The following ARHGAP23 variants were observed in gnomAD, a reference collection of about 807,000 sequenced individuals.
The protein encoded by ARHGAP23 is Rho GTPase activating protein 23.
A neutral mutation model predicts 136.3 loss-of-function variants in ARHGAP23; 34 were observed. The ratio of observed to expected loss-of-function variants is 0.25; its 90% CI spans 0.19 to 0.33. The LOEUF (loss-of-function observed/expected upper bound fraction) is 0.33, where lower values mean the gene tolerates loss of function less well. Among genes scored for constraint, ARHGAP23 ranks in the 10% least tolerant of loss-of-function variants. ARHGAP23 has a pLI of 1.00. For synonymous variants in ARHGAP23, 832 were observed against 920.5 expected, an observed-to-expected ratio of 0.90 and a Z score of 1.74; for missense variants, 1,808 against 2,139.0, an observed-to-expected ratio of 0.85 and a Z score of 3.05.
chr17:38,496,253 T>C (rs2040389890), intron 20 of ARHGAP23, among the ~76,000 whole-genome samples: 1 of 152,122 alleles, frequency 6.6e-6, no homozygotes, highest in African/African-American at 2.4e-5. Flanking sequence ...CCACCACATC[T>C]AAAAGCCAAA....
At chr17:38,449,439 C>CG (rs1567783336) in intron 1 of ARHGAP23, among the ~76,000 whole-genome samples, 1 of 152,186 alleles carries the variant, frequency 6.6e-6, no homozygotes, top group Non-Finnish European at 1.5e-5. Context: ...CTTGCTTGGC[C>CG]GGCTCATCAA....
rs1360972317 is a variant in ARHGAP23, at chr17:38,510,101, C to T, written c.3605C>T (p.Ala1202Val). 8.0e-7 allele frequency: 1 copy of T among 1,244,998 alleles called. No homozygotes were observed. 77.1% of individuals were successfully genotyped at this position (1,244,998 alleles called of 1,614,324 possible). The change falls in exon 24 of 24, where the codon GCG (alanine) becomes GTG (valine). Residue 1202 changes from alanine (A) to valine (V), a missense_variant. Transcript: ENST00000622683. This position sits in a 1 kb window ranked among gnomAD's most constrained non-coding sequence, Gnocchi z 4.6. The stretch of plus-strand genomic sequence containing the variant: ...GAGCAGGAGGCGCACAAGCCTGGGG[C>T]GGGGGCCACAGCGCCGGGGACTCAG... ...DSEQEAHKPG[A>V]GATAPGTQER...
intron 1 of ARHGAP23, among the ~76,000 whole-genome samples, chr17:38,429,047 C>G (rs1254361877): frequency 1.3e-5 from 2 of 152,200 alleles, no homozygotes; most frequent in African/African-American, 4.8e-5. Context: ...GCGCCACACT[C>G]GCCCCCTGCC....
rs538348148 is a variant in ARHGAP23, at chr17:38,487,554, T to C, written c.2986+1414T>C. 5.3e-5 allele frequency among the ~76,000 whole-genome samples: 8 copies of C among 152,244 alleles called. No homozygotes were observed. The East Asian group carries it at 9.7e-4, about 18-fold the overall frequency. On this transcript the variant is annotated intron_variant, in intron 17 of 23. Transcript: ENST00000622683. ...CTGTCTCTCCACATCCCCAACAGCA[T>C]TGGATATTATAACTATTATTGTTAC...
intron 1 of ARHGAP23, among the ~76,000 whole-genome samples, chr17:38,435,595 G>A (rs962151459): frequency 7.9e-5 from 12 of 152,186 alleles, no homozygotes; most frequent in Non-Finnish European, 1.5e-4. Context: ...CTGTACTGGG[G>A]AAAATTTTTT....
chr17:38,468,672 G>A (rs1244255115), intron 7 of ARHGAP23, among the ~76,000 whole-genome samples: 1 of 152,208 alleles, frequency 6.6e-6, no homozygotes, highest in East Asian at 1.9e-4. Flanking sequence ...CCACAGCACA[G>A]TCTGTTTGAG....
chr17:38,437,896 CT>C (rs1217100736), intron 1 of ARHGAP23, among the ~76,000 whole-genome samples: 1 of 152,130 alleles, frequency 6.6e-6, no homozygotes, highest in East Asian at 1.9e-4. Flanking sequence ...TCTGGATTTG[CT>C]CGTGAGTGGC....
At chr17:38,502,349 C>T (rs767579918) in intron 23 of ARHGAP23, among the ~76,000 whole-genome samples, 1 of 152,228 alleles carries the variant, frequency 6.6e-6, no homozygotes, top group Non-Finnish European at 1.5e-5. Flanking sequence ...CACTTTCCAA[C>T]TCATTTATGA....
intron 23 of ARHGAP23, among the ~76,000 whole-genome samples, chr17:38,508,281 A>G (rs970122021): frequency 2.0e-5 from 3 of 152,184 alleles, no homozygotes; most frequent in African/African-American, 4.8e-5. Flanking sequence ...TAGGGTGAGT[A>G]GGAGCTCATC....
At chr17:38,420,763 G>A (rs1282128883) in intron 1 of ARHGAP23, among the ~76,000 whole-genome samples, 3 of 149,668 alleles carry the variant, frequency 2.0e-5, no homozygotes, top group Non-Finnish European at 4.5e-5. Context: ...AATTTAAATG[G>A]CCAATGGCAG....
chr17:38,504,722 G>C (rs1324532971), intron 23 of ARHGAP23, among the ~76,000 whole-genome samples: 2 of 152,132 alleles, frequency 1.3e-5, no homozygotes, highest in Non-Finnish European at 2.9e-5. Context: ...GATTCGATTT[G>C]GACAGAGTGC....
chr17:38,476,942 T>C (rs1196090719), intron 11 of ARHGAP23, among the ~76,000 whole-genome samples: 1 of 152,046 alleles, frequency 6.6e-6, no homozygotes, highest in Non-Finnish European at 1.5e-5. Context: ...AAGGAGCCAG[T>C]GGCATTAGGA....
At chr17:38,436,421 C>T (rs559709453) in intron 1 of ARHGAP23, among the ~76,000 whole-genome samples, 2 of 152,312 alleles carry the variant, frequency 1.3e-5, no homozygotes, top group East Asian at 3.9e-4. Context: ...GGAGAGTGCC[C>T]CTCCTGCCCT....
At position 38,499,270 on chromosome 17, in the gene ARHGAP23, T is replaced by A. The variant is rs2040467495; in HGVS notation, c.3415+760T>A. 2.6e-5 allele frequency among the ~76,000 whole-genome samples: 4 copies of A among 152,346 alleles called. No homozygotes were observed. The South Asian group carries it at 8.3e-4, about 32-fold the overall frequency. Reference sequence around the variant, plus strand: ...TGCCGAGTCTCACCACTGCTAGTCATCCAGGCTGGGGACCGACACTCTCTG... The same window carrying A: ...TGCCGAGTCTCACCACTGCTAGTCAACCAGGCTGGGGACCGACACTCTCTG... On this transcript the variant is annotated intron_variant, in intron 22 of 23. Coordinates refer to ENST00000622683, the MANE Select transcript of ARHGAP23 (RefSeq NM_001199417.2).
chr17:38,463,067 A>G (rs1282324404), intron 4 of ARHGAP23, 51 bp from the exon 5 acceptor site: 1 of 1,545,562 alleles, frequency 6.5e-7, no homozygotes, highest in African/African-American at 1.4e-5. Flanking sequence ...GGGTTCTCAG[A>G]TGGGGCCTTT....
intron 1 of ARHGAP23, among the ~76,000 whole-genome samples, chr17:38,443,492 G>C (rs2038963756): frequency 6.6e-6 from 1 of 152,186 alleles, no homozygotes; most frequent in South Asian, 2.1e-4. Flanking sequence ...CTTCTGACCA[G>C]AGAGCCCAGC....
At position 38,429,720 on chromosome 17, in the gene ARHGAP23, G is replaced by A. The variant is rs2038645174; in HGVS notation, c.63+1172G>A. The stretch of plus-strand genomic sequence containing the variant: ...AATTCAGGATGGACGGGGGGTGGGG[G>A]TGGAGGTCATGAATCCAAGCATGAG... On this transcript the variant is annotated intron_variant, in intron 1 of 23. Coordinates refer to ENST00000622683, the MANE Select transcript of ARHGAP23 (RefSeq NM_001199417.2). 1.3e-5 allele frequency among the ~76,000 whole-genome samples: 2 copies of A among 152,010 alleles called. 1 individual carries two copies. The highest frequency in any genetic ancestry group is 4.1e-4 in the South Asian group (2 of 4,820).
At chr17:38,501,544 G>T (rs533051745) in intron 23 of ARHGAP23, among the ~76,000 whole-genome samples, 1 of 144,170 alleles carries the variant, frequency 6.9e-6, no homozygotes, top group Non-Finnish European at 1.5e-5. Context: ...CGCGTGATCC[G>T]TCCCCCTTGG....
intron 20 of ARHGAP23, among the ~76,000 whole-genome samples, chr17:38,495,047 A>G (rs2040361577): frequency 6.6e-6 from 1 of 152,062 alleles, no homozygotes; most frequent in Admixed American, 6.5e-5. Flanking sequence ...ATACATTAAC[A>G]ATGTGCTGCA....
Sources: gnomAD v4.1 joint callset for allele counts (sites outside exome capture counted in the v4.1 genomes callset) on GRCh38, gnomAD v4.1.1 for gene constraint, Gnocchi (gnomAD v3.1) non-coding constraint, MANE v1.5 for transcripts, NCBI Gene and HGNC (gene_info 2026-07-23, HGNC 2026-07-21) for gene names.